The following ASCC3 variants were observed in gnomAD, a reference collection of about 807,000 sequenced individuals.
ASCC3 encodes activating signal cointegrator 1 complex subunit 3.
Under a neutral mutation model 256.3 loss-of-function variants are expected in ASCC3, and 158 were observed. That is an observed-to-expected ratio of 0.62 (90% CI 0.54 to 0.70). The LOEUF is 0.70. ASCC3 is among the 30% of genes least tolerant of loss of function. ASCC3 has a pLI of 0.00. For missense variants in ASCC3, 2,259 were observed against 2,626.0 expected (o/e 0.86, Z 3.05); for synonymous variants, 948 against 883.4 (o/e 1.07, Z -1.30).
At chr6:100,526,721 C>G (rs977754232) in intron 37 of ASCC3, among the ~76,000 whole-genome samples, 2 of 152,078 alleles carry the variant, frequency 1.3e-5, no homozygotes, top group Admixed American at 1.3e-4. Context: ...CTGTGTGGTC[C>G]TTTGCATTTG....
Position 100,662,028 on chromosome 6 carries a change from T to C in ASCC3, c.2481A>G (p.Gly827=), listed in dbSNP as rs2114932255. 1 of 1,612,796 alleles carries C rather than the reference T, an allele frequency of 6.2e-7. No individual in the cohort carries two copies. The highest frequency in any genetic ancestry group is 1.7e-5 in the Admixed American group (1 of 59,886). The change falls in exon 16 of 42, where the codon GGA becomes GGG. Residue 827 remains glycine (G), a splice_region_variant and synonymous_variant. Transcript: ENST00000369162. ...CTCTTTTTGCAGCATATATTTGTGT[T>C]CCCTAGATGAGGAAAAGTTAACAAA... ...NLPAHAVIIK[G]TQIYAAKRGS...
intron 37 of ASCC3, among the ~76,000 whole-genome samples, chr6:100,525,156 C>CAAAAAAAAAAAAAA (rs57882047): frequency 3.3e-4 from 15 of 44,956 alleles, no homozygotes; most frequent in South Asian, 1.0e-3. Flanking sequence ...GACCCTGTCT[C>CAAAAAAAAAAAAAA]AAAAAAAAAA....
chr6:100,537,522 T>C (rs945713123), intron 37 of ASCC3, among the ~76,000 whole-genome samples: 5 of 152,130 alleles, frequency 3.3e-5, no homozygotes, highest in African/African-American at 1.2e-4. Context: ...GATTTGTTAA[T>C]AGGACTGAAC....
Position 100,655,746 on chromosome 6 carries a change from T to A in ASCC3, c.2776A>T (p.Met926Leu). The A allele has an allele frequency of 6.2e-7, 1 of 1,611,880 alleles. No homozygotes were observed. The highest frequency in any genetic ancestry group is 8.5e-7 in the Non-Finnish European group (1 of 1,179,034). Residue 926 changes from methionine (M) to leucine (L), a missense_variant, in exon 17 of 42, where the codon ATG (methionine) becomes TTG (leucine). Physicochemically the swap from Met to Leu is conservative, Grantham distance 15. Around this residue, in one of 2 missense-constraint regions of ASCC3, gnomAD observed 1,839 missense variants for 2,206.7 expected, o/e 0.83. Transcript: ENST00000369162. ...CCATATGCTAATGGATTTGCTCTCA[T>A]CCGTACATAAAGATAAGTGTAACTT... ...WISYTYLYVRMRANPLAYGIS... is the reference protein window; with the variant it reads ...WISYTYLYVRLRANPLAYGIS...
intron 36 of ASCC3, among the ~76,000 whole-genome samples, chr6:100,586,128 A>C (rs187805407): frequency 1.3e-5 from 2 of 152,304 alleles, no homozygotes; most frequent in East Asian, 3.9e-4. Flanking sequence ...AGCCAGGGAC[A>C]TTTAAGTCTG....
At chr6:100,665,446 C>T (rs942934061) in intron 14 of ASCC3, among the ~76,000 whole-genome samples, 7 of 151,876 alleles carry the variant, frequency 4.6e-5, no homozygotes, top group Non-Finnish European at 1.0e-4. Context: ...GGAATCTGGC[C>T]GGGCACAGTG....
intron 38 of ASCC3, among the ~76,000 whole-genome samples, chr6:100,517,585 C>T (rs917646918): frequency 3.9e-5 from 6 of 152,092 alleles, no homozygotes; most frequent in African/African-American, 1.4e-4. Flanking sequence ...TGCAGATGCA[C>T]AATTTACTTT....
At chr6:100,782,399 T>A (rs1158891909) in intron 8 of ASCC3, among the ~76,000 whole-genome samples, 2 of 152,160 alleles carry the variant, frequency 1.3e-5, no homozygotes, top group African/African-American at 2.4e-5. Context: ...ATAAAAAAAG[T>A]TTGAAATCCA....
intron 14 of ASCC3, among the ~76,000 whole-genome samples, chr6:100,674,505 T>C (rs749785725): frequency 2.0e-5 from 3 of 152,116 alleles, no homozygotes; most frequent in Non-Finnish European, 2.9e-5. Context: ...GCATTAAGTT[T>C]AATTTTTGTC....
intron 16 of ASCC3, among the ~76,000 whole-genome samples, chr6:100,661,227 T>C (rs893302799): frequency 2.0e-4 from 31 of 151,632 alleles, no homozygotes; most frequent in Admixed American, 9.9e-4. Flanking sequence ...TAATGTTCTA[T>C]ACATATACTC....
At chr6:100,875,988 A>G (rs1583001851) in intron 1 of ASCC3, among the ~76,000 whole-genome samples, 2 of 152,182 alleles carry the variant, frequency 1.3e-5, no homozygotes, top group East Asian at 3.9e-4. Context: ...AAAATAAAGG[A>G]TAGAGTTGAT....
chr6:100,808,423 A>T (rs1439655379), intron 4 of ASCC3, among the ~76,000 whole-genome samples: 1 of 151,952 alleles, frequency 6.6e-6, no homozygotes, highest in Admixed American at 6.6e-5. Context: ...ATCAAAAAAG[A>T]ATATTAAAAA....
intron 3 of ASCC3, among the ~76,000 whole-genome samples, chr6:100,851,533 TCAAC>T (rs1204069697): frequency 1.3e-5 from 2 of 152,182 alleles, no homozygotes; most frequent in Admixed American, 1.3e-4. Flanking sequence ...CACAGAAACA[TCAAC>T]AAAGATCAAC....
intron 4 of ASCC3, among the ~76,000 whole-genome samples, chr6:100,826,313 A>G (rs1771306410): frequency 6.6e-6 from 1 of 151,984 alleles, no homozygotes; most frequent in African/African-American, 2.4e-5. Flanking sequence ...TTGTATTTTT[A>G]GTAGAGACGG....
intron 4 of ASCC3, among the ~76,000 whole-genome samples, chr6:100,827,241 T>C (rs1374521995): frequency 6.6e-6 from 1 of 152,226 alleles, no homozygotes; most frequent in Non-Finnish European, 1.5e-5. Context: ...TATATAACTA[T>C]TATAATGACA....
chr6:100,825,902 G>A (rs1771283076), intron 4 of ASCC3, among the ~76,000 whole-genome samples: 1 of 151,290 alleles, frequency 6.6e-6, no homozygotes, highest in Non-Finnish European at 1.5e-5. Flanking sequence ...CTCGGCTATT[G>A]ATACTTGTGC....
chr6:100,721,026 A>G (rs1479755978), intron 11 of ASCC3, among the ~76,000 whole-genome samples: 1 of 150,582 alleles, frequency 6.6e-6, no homozygotes, highest in Non-Finnish European at 1.5e-5. Context: ...TTATTTGTAA[A>G]CTTTCTAAGG....
chr6:100,790,527 C>T (rs190034819), intron 8 of ASCC3, among the ~76,000 whole-genome samples: 3 of 151,992 alleles, frequency 2.0e-5, no homozygotes, highest in African/African-American at 4.8e-5. Context: ...TCAAATATTT[C>T]TGTGTGTTGT....
chr6:100,861,516 CA>C (rs1396449641), intron 3 of ASCC3, among the ~76,000 whole-genome samples: 1 of 152,092 alleles, frequency 6.6e-6, no homozygotes, highest in African/African-American at 2.4e-5. Context: ...CTAATCCTTT[CA>C]AAGCTGGTAG....
Sources: allele counts gnomAD v4.1 joint callset (sites outside exome capture counted in the v4.1 genomes callset), GRCh38; gene constraint gnomAD v4.1.1; regional missense constraint gnomAD v4.1.1; transcripts MANE v1.5; gene names NCBI Gene and HGNC (gene_info 2026-07-23, HGNC 2026-07-21).